The following ERICH1 variants were observed in gnomAD, a reference collection of about 807,000 sequenced individuals.
ERICH1 encodes the protein glutamate rich 1, also known as glutamate-rich protein 1.
In ERICH1, 56 loss-of-function variants were observed where a neutral mutation model predicts 39.6. That is an observed-to-expected ratio of 1.41 (90% CI 1.14 to 1.77). The LOEUF is 1.77. Among genes scored for constraint, ERICH1 ranks in the 40% most tolerant of loss-of-function variants. The pLI, the probability that ERICH1 is intolerant of heterozygous loss-of-function variation, is 0.00. For synonymous variants in ERICH1, 313 were observed against 223.6 expected, an observed-to-expected ratio of 1.40 and a Z score of -3.57; for missense variants, 826 against 575.4, an observed-to-expected ratio of 1.44 and a Z score of -4.45.
rs146660325 is a variant in ERICH1, at chr8:652,107, C to G, written c.976+16491G>C. ...TAGGTTTACCACCGACGGCTCTGCA[C>G]TCACCTCTTCAGACAAGCGATTGCC... On this transcript the variant is annotated intron_variant, in intron 3 of 3. Transcript: ENST00000522706. Among the ~76,000 whole-genome samples, 841 of 152,328 alleles carry G rather than the reference C, an allele frequency of 5.5e-3. 7 individuals are homozygous for G. Among genetic ancestry groups the G allele is most frequent in the African/African-American group, 0.02 (815 of 41,576 alleles).
chr8:629,746 C>CACAA (rs1797852701), intron 3 of ERICH1, among the ~76,000 whole-genome samples: 4 of 131,274 alleles, frequency 3.0e-5, no homozygotes, highest in African/African-American at 1.3e-4. Flanking sequence ...TGACAACCCA[C>CACAA]ACAGAGCTGA....
intron 1 of ERICH1, among the ~76,000 whole-genome samples, chr8:730,746 A>G (rs1819794703): frequency 6.6e-6 from 1 of 152,170 alleles, no homozygotes; most frequent in African/African-American, 2.4e-5. Flanking sequence ...CTTTTCGGTG[A>G]GGCTGCCGGA....
At chr8:631,818 G>A (rs1212883084) in intron 3 of ERICH1, among the ~76,000 whole-genome samples, 1 of 152,080 alleles carries the variant, frequency 6.6e-6, no homozygotes, top group Non-Finnish European at 1.5e-5. Context: ...ATGACCTGGT[G>A]GGGTGATGTG....
intron 2 of ERICH1, among the ~76,000 whole-genome samples, chr8:707,961 C>T (rs115958619): frequency 1.9e-4 from 29 of 152,198 alleles, no homozygotes; most frequent in African/African-American, 6.7e-4. Context: ...GAAAGACAAT[C>T]CAATTAAAAC....
intron 2 of ERICH1, among the ~76,000 whole-genome samples, chr8:700,578 A>G (rs62484183): frequency 0.018 from 1,585 of 90,112 alleles, 128 homozygotes; most frequent in Middle Eastern, 0.051. Context: ...AGGCGCACAG[A>G]CCCGCACACA....
At chr8:681,493 A>T (rs1052162659) in intron 3 of ERICH1, among the ~76,000 whole-genome samples, 1 of 152,234 alleles carries the variant, frequency 6.6e-6, no homozygotes, top group African/African-American at 2.4e-5. Flanking sequence ...TGGGGATTGG[A>T]GTCTCATACA....
At chr8:730,526 C>G (rs539347663) in intron 1 of ERICH1, among the ~76,000 whole-genome samples, 4 of 152,310 alleles carry the variant, frequency 2.6e-5, no homozygotes, top group Middle Eastern at 3.4e-3. Flanking sequence ...TTGCAGGAAG[C>G]AGGAGCACGC....
chr8:648,588 C>T lies in ERICH1; in HGVS notation c.976+20010G>A, dbSNP rs1192600411. ...CCAAGTATGAAGCCAGGAAGGAGCC[C>T]GCTGGTTCTACTCTTCACTCCAGCG... On this transcript the variant is annotated intron_variant, in intron 3 of 3. Coordinates refer to the ERICH1 transcript ENST00000522706. Among the ~76,000 whole-genome samples, 7 of 67,140 alleles carry T rather than the reference C, an allele frequency of 1.0e-4. 3 individuals are homozygous for T. Among genetic ancestry groups the T allele is most frequent in the African/African-American group, 2.6e-4 (7 of 26,612 alleles). 44.0% of individuals were successfully genotyped at this position (67,140 alleles called of 152,430 possible).
intron 3 of ERICH1, among the ~76,000 whole-genome samples, chr8:622,884 G>T (rs1294563101): frequency 1.3e-5 from 2 of 151,978 alleles, no homozygotes; most frequent in African/African-American, 4.8e-5. Context: ...CTTGAGCCCA[G>T]GAATTCAAGG....
chr8:714,707 C>T (rs1238527784), intron 2 of ERICH1, among the ~76,000 whole-genome samples: 43 of 55,366 alleles, frequency 7.8e-4, no homozygotes, highest in Admixed American at 1.9e-3. Context: ...CGGCATCTCT[C>T]GGTGGGATGT....
intron 2 of ERICH1, among the ~76,000 whole-genome samples, chr8:697,488 T>C (rs1207130536): frequency 1.3e-5 from 2 of 152,088 alleles, no homozygotes; most frequent in Non-Finnish European, 2.9e-5. Context: ...GAAGCTTGGC[T>C]CAGACTCCCA....
chr8:689,206 A>AGG, intron 3 of ERICH1, among the ~76,000 whole-genome samples: 1 of 152,062 alleles, frequency 6.6e-6, no homozygotes, highest in African/African-American at 2.4e-5. Flanking sequence ...CCGCCTCCCC[A>AGG]GTTCAAGCGA....
chr8:706,645 G>A (rs560766063), intron 2 of ERICH1, among the ~76,000 whole-genome samples: 1 of 152,196 alleles, frequency 6.6e-6, no homozygotes, highest in East Asian at 1.9e-4. Flanking sequence ...CGGACGTGGT[G>A]GCACACGCAT....
intron 2 of ERICH1, among the ~76,000 whole-genome samples, chr8:699,954 G>A (rs1165223104): frequency 4.2e-5 from 5 of 120,442 alleles, no homozygotes; most frequent in African/African-American, 1.6e-4. Flanking sequence ...CACGCGCACA[G>A]GCCCGCACAC....
intron 3 of ERICH1, among the ~76,000 whole-genome samples, chr8:650,808 A>G (rs1009913099): frequency 7.2e-5 from 11 of 152,206 alleles, no homozygotes; most frequent in African/African-American, 2.4e-4. Flanking sequence ...AGCCAGAGCA[A>G]GGGGCTGCAG....
chr8:663,790 C>T (rs559764768), downstream of ERICH1, among the ~76,000 whole-genome samples: 22 of 151,656 alleles, frequency 1.5e-4, no homozygotes, highest in African/African-American at 3.9e-4. Flanking sequence ...GCTGGAGTCT[C>T]GCTCTGTCGC....
chr8:661,992 A>G (rs1375322456), downstream of ERICH1, among the ~76,000 whole-genome samples: 3 of 151,940 alleles, frequency 2.0e-5, no homozygotes, highest in East Asian at 5.8e-4. Flanking sequence ...AAGGCCACAC[A>G]TGACCCACCA....
chr8:655,930 G>C (rs1800606224), intron 3 of ERICH1, among the ~76,000 whole-genome samples: 1 of 152,086 alleles, frequency 6.6e-6, no homozygotes, highest in Non-Finnish European at 1.5e-5. Flanking sequence ...TGTTCTCGCA[G>C]TTACACCCAA....
At chr8:686,768 G>A (rs936096067) in intron 3 of ERICH1, 1 of 138,496 alleles carries the variant, frequency 7.2e-6, no homozygotes, top group African/African-American at 2.8e-5. Flanking sequence ...GACACTCAGA[G>A]AGAGAGAGAG....
Sources: gnomAD v4.1 joint callset for allele counts (sites outside exome capture counted in the v4.1 genomes callset) on GRCh38, gnomAD v4.1.1 for gene constraint, MANE v1.5 for transcripts, NCBI Gene and HGNC (gene_info 2026-07-23, HGNC 2026-07-21) for gene names.